The following MEGF6 variants were observed in gnomAD, a reference collection of about 807,000 sequenced individuals.
MEGF6 encodes the protein multiple epidermal growth factor-like domains protein 6.
In MEGF6, 184 loss-of-function variants were observed where a neutral mutation model predicts 207.1. The observed-to-expected ratio is 0.89, with a 90% CI of 0.79 to 1.00. The LOEUF (loss-of-function observed/expected upper bound fraction) is 1.00, where lower values mean the gene tolerates loss of function less well. MEGF6 is among the 50% of genes least tolerant of loss of function. The pLI is 0.00. For synonymous variants in MEGF6, 1,038 were observed against 910.0 expected (o/e 1.14, Z -2.53); for missense variants, 2,282 against 2,202.9 (o/e 1.04, Z -0.72).
intron 3 of MEGF6, among the ~76,000 whole-genome samples, chr1:3,588,728 C>T (rs1171663628): frequency 1.3e-5 from 2 of 152,014 alleles, no homozygotes; most frequent in Non-Finnish European, 2.9e-5. Context: ...AGGGCCGGGC[C>T]CAAGCTCTCT....
At chr1:3,617,121 T>G in the MEGF6 span, among the ~76,000 whole-genome samples, 1 of 151,270 alleles carries the variant, frequency 6.6e-6, no homozygotes, top group Non-Finnish European at 1.5e-5. Context: ...GGCTGTGCCA[T>G]GCAGGCCCCC....
At chr1:3,525,179 C>A (rs915658060) in intron 4 of MEGF6, among the ~76,000 whole-genome samples, 12 of 152,214 alleles carry the variant, frequency 7.9e-5, no homozygotes, top group African/African-American at 2.7e-4. Context: ...AGGACAGAAG[C>A]CTTCGCTGTG....
rs1396420765 is a variant in MEGF6 at position 3,501,303 on chromosome 1, G to A, written c.2320C>T (p.Pro774Ser). 2 of 1,597,192 alleles carry A rather than the reference G, an allele frequency of 1.3e-6. No individual in the cohort carries two copies. Among genetic ancestry groups the A allele is most frequent in the Non-Finnish European group, 1.7e-6 (2 of 1,172,648 alleles). The change falls in exon 19 of 37, where the codon CCC becomes TCC. Residue 774 changes from proline to serine, a missense_variant. By Grantham distance (74) the Pro-to-Ser change is moderately conservative (BLOSUM62 -1). Transcript: ENST00000356575. ...RTGEDCEADC[P>S]EGRWGLGCQE... Reference sequence around the variant, plus strand: ...CAGCCCAGCCCCCAGCGGCCCTCGGGACAATCTAGTGCCCACCCCCATGGC... The same window carrying A: ...CAGCCCAGCCCCCAGCGGCCCTCGGAACAATCTAGTGCCCACCCCCATGGC...
At chr1:3,613,477 G>A (rs1423264126), upstream of MEGF6, among the ~76,000 whole-genome samples, 1 of 152,230 alleles carries the variant, frequency 6.6e-6, no homozygotes, top group Non-Finnish European at 1.5e-5. Context: ...GCAAGTGTGT[G>A]TCAAGTGAAT....
chr1:3,544,073 C>A (rs561457782), intron 4 of MEGF6, among the ~76,000 whole-genome samples: 1 of 152,158 alleles, frequency 6.6e-6, no homozygotes, highest in Non-Finnish European at 1.5e-5. Flanking sequence ...ACACAGGAGG[C>A]GGGAGTGTGG....
In MEGF6 at chr1:3,506,109, G is replaced by A. The variant is rs752489249; in HGVS notation, c.1917C>T (p.Leu639=). 1.3e-6 allele frequency: 2 copies of A among 1,590,538 alleles called. No homozygotes were observed. The highest frequency in any genetic ancestry group is 1.8e-5 in the Admixed American group (1 of 56,610). The part of the protein sequence containing the change: ...DPGLYGRFCH[L]TCPPWAFGPG... ...ACTGGAAGGGGCAGTGAGACTCACT[G>A]AGGTGGCAGAAGCGGCCGTAGAGCC... Residue 639 remains leucine (L), a splice_region_variant and synonymous_variant, in exon 15 of 37, where the codon CTC becomes CTT. Coordinates refer to ENST00000356575, the MANE Select transcript of MEGF6 (RefSeq NM_001409.4).
At chr1:3,576,331 G>A (rs2101729877) in intron 4 of MEGF6, among the ~76,000 whole-genome samples, 2 of 152,344 alleles carry the variant, frequency 1.3e-5, no homozygotes, top group South Asian at 4.1e-4. Flanking sequence ...AGGAGGGAGA[G>A]CTGGGGCTGT....
chr1:3,620,140 G>A, the MEGF6 span, among the ~76,000 whole-genome samples: 1 of 152,242 alleles, frequency 6.6e-6, no homozygotes, highest in Non-Finnish European at 1.5e-5. Flanking sequence ...TTTCTAAGCG[G>A]CAAAGCATTT....
At chr1:3,498,673 C>T in intron 25 of MEGF6, 25 bp downstream of exon 25, 1 of 1,539,592 alleles carries the variant, frequency 6.5e-7, no homozygotes, top group South Asian at 1.2e-5. Flanking sequence ...TGGGGTATGT[C>T]CCTCCTCTGC....
chr1:3,576,092 C>T (rs1276007063), intron 4 of MEGF6, among the ~76,000 whole-genome samples: 2 of 152,260 alleles, frequency 1.3e-5, no homozygotes, highest in Non-Finnish European at 2.9e-5. Context: ...CAGCCCTGGA[C>T]AAAATGAGCG....
intron 1 of MEGF6, among the ~76,000 whole-genome samples, chr1:3,604,782 G>A (rs1644217800): frequency 6.6e-6 from 1 of 152,122 alleles, no homozygotes; most frequent in Admixed American, 6.6e-5. Context: ...GCACTGTTGG[G>A]CCTCTGTGTC....
At chr1:3,500,896 G>A in intron 20 of MEGF6, 70 bp downstream of exon 20, 6 of 1,606,788 alleles carry the variant, frequency 3.7e-6, no homozygotes, top group Admixed American at 1.7e-5. Context: ...GGGGGCCCTG[G>A]GCAGAGGCCT....
the MEGF6 span, among the ~76,000 whole-genome samples, chr1:3,623,930 C>G: frequency 6.6e-6 from 1 of 152,206 alleles, no homozygotes; most frequent in Admixed American, 6.5e-5. Flanking sequence ...TGCAAACTTC[C>G]CTGGGGTCTC....
At chr1:3,537,922 G>A (rs954082561) in intron 4 of MEGF6, among the ~76,000 whole-genome samples, 1 of 152,144 alleles carries the variant, frequency 6.6e-6, no homozygotes, top group Non-Finnish European at 1.5e-5. Context: ...GGCTTGGAGT[G>A]GGGGAAAGGA....
chr1:3,590,664 C>T (rs1306924459), intron 3 of MEGF6, among the ~76,000 whole-genome samples: 3 of 152,190 alleles, frequency 2.0e-5, no homozygotes, highest in Admixed American at 1.3e-4. Context: ...CACACGGAAG[C>T]AAGGAAATTT....
At chr1:3,619,494 T>G in the MEGF6 span, among the ~76,000 whole-genome samples, 1 of 152,198 alleles carries the variant, frequency 6.6e-6, no homozygotes, top group African/African-American at 2.4e-5. Flanking sequence ...CCCCCACGTG[T>G]CGAGAGAGGG....
chr1:3,490,862 C>A, intron 36 of MEGF6, 50 bp downstream of exon 36: 1 of 1,552,192 alleles, frequency 6.4e-7, no homozygotes, highest in Non-Finnish European at 8.7e-7. Context: ...GTTGACTTTG[C>A]CATAACCCAC....
chr1:3,505,158 C>T lies in MEGF6; in HGVS notation c.2188+50G>A, dbSNP rs138174343. On this transcript the variant is annotated intron_variant, in intron 17 of 36. Coordinates refer to ENST00000356575, the MANE Select transcript of MEGF6 (RefSeq NM_001409.4). The stretch of plus-strand genomic sequence containing the variant: ...GCCTACCCTCCAGCCAGGCAGGCAG[C>T]CTACACCCCACAATGAGACTGCCGG... 2,081 of 1,596,938 alleles carry T rather than the reference C, an allele frequency of 1.3e-3. 3 individuals carry two copies. The highest frequency in any genetic ancestry group is 1.7e-3 in the Non-Finnish European group (1,965 of 1,173,944).
At chr1:3,497,606 G>A in intron 26 of MEGF6, 1 of 680,180 alleles carries the variant, frequency 1.5e-6, no homozygotes, top group East Asian at 2.8e-5. Context: ...AGGCCCGAAT[G>A]TGCCCTTGGC....
Sources: gnomAD v4.1 joint callset for allele counts (sites outside exome capture counted in the v4.1 genomes callset) on GRCh38, gnomAD v4.1.1 for gene constraint, MANE v1.5 for transcripts, NCBI Gene and HGNC (gene_info 2026-07-23, HGNC 2026-07-21) for gene names.